The following PPIP5K1 variants were observed in gnomAD, a reference collection of about 807,000 sequenced individuals.
PPIP5K1 encodes diphosphoinositol pentakisphosphate kinase 1.
A neutral mutation model predicts 27.7 loss-of-function variants in PPIP5K1; 6 were observed. The observed-to-expected ratio is 0.22, with a 90% CI of 0.12 to 0.43. PPIP5K1 has a LOEUF of 0.43. Ranked by LOEUF, PPIP5K1 falls within the 20% of genes least tolerant of loss-of-function variation. The probability of loss-of-function intolerance (pLI) is 1.00; values close to 1 mark genes in which losing one functional copy is unlikely to be tolerated. For synonymous variants in PPIP5K1, 145 were observed against 242.6 expected (o/e 0.60, Z 3.74); for missense variants, 394 against 635.4 (o/e 0.62, Z 4.08).
At chr15:43,552,162 C>T (rs2082291651) in intron 30 of PPIP5K1, among the ~76,000 whole-genome samples, 1 of 151,978 alleles carries the variant, frequency 6.6e-6, no homozygotes, top group African/African-American at 2.4e-5. Context: ...ACTATATTGC[C>T]CAGACAGGTC....
intron 30 of PPIP5K1, among the ~76,000 whole-genome samples, chr15:43,556,672 G>C (rs1477029718): frequency 1.3e-5 from 2 of 152,156 alleles, no homozygotes; most frequent in African/African-American, 4.8e-5. Flanking sequence ...AACAAATGTA[G>C]GCACTTTGTG....
intron 30 of PPIP5K1, among the ~76,000 whole-genome samples, chr15:43,542,078 C>G (rs1187076197): frequency 6.6e-6 from 1 of 152,096 alleles, no homozygotes; most frequent in Non-Finnish European, 1.5e-5. Flanking sequence ...TAGGGGTGAT[C>G]CTTTGAGGAA....
At chr15:43,539,718 C>A in intron 30 of PPIP5K1, 135 bp from the exon 31 acceptor site, 1 of 592,842 alleles carries the variant, frequency 1.7e-6, no homozygotes, top group East Asian at 2.9e-5. Flanking sequence ...TCCTGGGGAC[C>A]CTTCAACCAA....
intron 30 of PPIP5K1, among the ~76,000 whole-genome samples, chr15:43,550,375 G>A (rs1397396641): frequency 1.3e-5 from 2 of 151,828 alleles, no homozygotes; most frequent in Non-Finnish European, 2.9e-5. Flanking sequence ...CAAACTCCAG[G>A]GCTCAAGTGA....
rs1373200986 is a variant in PPIP5K1 at position 43,539,581 on chromosome 15, G to C, written c.3559C>G (p.Leu1187Val). The C allele has an allele frequency of 6.4e-7, 1 of 1,571,168 alleles. No homozygotes were observed. Among genetic ancestry groups the C allele is most frequent in the African/African-American group, 1.4e-5 (1 of 73,976 alleles). ...TDAQAQASAA[L>V]FDSMHSSQAS... ...TGGCTGCTGTGCATGGAATCAAAGA[G>C]GGCTGGAAAGGAGGTAGGGTGAAGG... is the stretch of plus-strand genomic sequence containing the variant. Residue 1187 changes from leucine to valine, a missense_variant and splice_region_variant, in exon 31 of 32, where the codon CTC becomes GTC. This residue lies in a region of PPIP5K1 where 379 missense variants were observed against 423.9 expected (regional missense o/e 0.89). Transcript: ENST00000420765.
At chr15:43,548,159 C>T (rs540889303) in intron 30 of PPIP5K1, among the ~76,000 whole-genome samples, 4 of 151,454 alleles carry the variant, frequency 2.6e-5, no homozygotes, top group African/African-American at 4.8e-5. Context: ...AGTGCACTGG[C>T]GCGATCTTGG....
chr15:43,536,797 T>C (rs938940419), intron 31 of PPIP5K1, among the ~76,000 whole-genome samples: 2 of 152,208 alleles, frequency 1.3e-5, no homozygotes, highest in African/African-American at 4.8e-5. Context: ...TACTCCATCC[T>C]CTACTGCTTC....
At chr15:43,553,794 G>A (rs566495330) in intron 30 of PPIP5K1, among the ~76,000 whole-genome samples, 4 of 151,924 alleles carry the variant, frequency 2.6e-5, no homozygotes, top group East Asian at 1.9e-4. Context: ...ACAGGTGCCC[G>A]CCACCACGCC....
At chr15:43,556,875 C>T (rs1443131741) in intron 30 of PPIP5K1, among the ~76,000 whole-genome samples, 1 of 152,110 alleles carries the variant, frequency 6.6e-6, no homozygotes, top group Non-Finnish European at 1.5e-5. Flanking sequence ...AGCTTTTCTG[C>T]CATTTTTAGG....
intron 29 of PPIP5K1, among the ~76,000 whole-genome samples, chr15:43,559,133 T>A (rs181912561): frequency 6.6e-6 from 1 of 152,278 alleles, no homozygotes; most frequent in Non-Finnish European, 1.5e-5. Context: ...TCCTAAAACA[T>A]CTACCTGCTA....
intron 30 of PPIP5K1, among the ~76,000 whole-genome samples, chr15:43,555,270 T>C (rs1349413022): frequency 6.6e-6 from 1 of 152,142 alleles, no homozygotes; most frequent in East Asian, 1.9e-4. Flanking sequence ...GAGTTTTCTA[T>C]TTTTATTTAT....
intron 30 of PPIP5K1, 33 bp from the exon 31 acceptor site, chr15:43,539,616 G>C: frequency 1.3e-5 from 17 of 1,343,496 alleles, no homozygotes; most frequent in Non-Finnish European, 1.8e-5. Flanking sequence ...GGAGAGGGAA[G>C]AAAAAAAGAC....
chr15:43,549,652 T>TA (rs953175327), intron 30 of PPIP5K1, among the ~76,000 whole-genome samples: 23 of 149,184 alleles, frequency 1.5e-4, no homozygotes, highest in African/African-American at 2.5e-4. Context: ...CAACCTGTCT[T>TA]AAAAAAAAAA....
Position 43,558,869 on chromosome 15 carries a change from G to C in PPIP5K1, c.3482C>G (p.Ser1161Cys). The change falls in exon 30 of 32, where the codon TCC becomes TGC. Residue 1161 changes from serine to cysteine, a missense_variant. Physicochemically the swap from Ser to Cys is moderately radical, Grantham distance 112. Around this residue, in one of 4 missense-constraint regions of PPIP5K1, gnomAD observed 379 missense variants for 423.9 expected, o/e 0.89. Coordinates refer to ENST00000420765, the MANE Select transcript of PPIP5K1 (RefSeq NM_001394395.1). ...YPLETLHNAL[S>C]LRQVSEFLSR... ...CAAGAATTCACTCACTTGACGTAGG[G>C]AAAGGGCATTATGCAGTGTTTCCAG... 3 of 1,614,138 alleles carry C rather than the reference G, an allele frequency of 1.9e-6. No individual in the cohort carries two copies. Among genetic ancestry groups the C allele is most frequent in the Non-Finnish European group, 2.5e-6 (3 of 1,180,014 alleles).
At chr15:43,555,319 A>G (rs978198347) in intron 30 of PPIP5K1, among the ~76,000 whole-genome samples, 15 of 152,076 alleles carry the variant, frequency 9.9e-5, no homozygotes, top group Admixed American at 9.8e-4. Flanking sequence ...TCTATCACCC[A>G]GGCTGGAGTG....
rs865991038 is a variant in PPIP5K1 at position 43,579,419 on chromosome 15, C to T, written c.1062-299G>A. Reference sequence around the variant, plus strand: ...ACACACACACACACACACACACACACACACGTATGTGTACATACACACACG... The same window carrying T: ...ACACACACACACACACACACACACATACACGTATGTGTACATACACACACG... On this transcript the variant is annotated intron_variant, in intron 10 of 31. Coordinates refer to ENST00000420765, the MANE Select transcript of PPIP5K1 (RefSeq NM_001394395.1). Among the ~76,000 whole-genome samples, 857 of 115,884 alleles carry T rather than the reference C, an allele frequency of 7.4e-3. 190 individuals carry two copies. The highest frequency in any genetic ancestry group is 0.036 in the African/African-American group (613 of 17,048). 76.0% of individuals were successfully genotyped at this position (115,884 alleles called of 152,430 possible). A position where few individuals can be genotyped will look rare whatever the true frequency, so the allele number is the denominator to read the frequency against.
At chr15:43,551,859 T>A (rs911796665) in intron 30 of PPIP5K1, among the ~76,000 whole-genome samples, 3 of 152,092 alleles carry the variant, frequency 2.0e-5, no homozygotes, top group Non-Finnish European at 4.4e-5. Flanking sequence ...CATCTCGACC[T>A]CCCAAAGTGC....
At chr15:43,553,019 G>C (rs941366873) in intron 30 of PPIP5K1, among the ~76,000 whole-genome samples, 1 of 152,200 alleles carries the variant, frequency 6.6e-6, no homozygotes, top group African/African-American at 2.4e-5. Flanking sequence ...CTGGACGACA[G>C]AGTGAGAATC....
chr15:43,547,537 T>C (rs1268053209), intron 30 of PPIP5K1, among the ~76,000 whole-genome samples: 1 of 152,226 alleles, frequency 6.6e-6, no homozygotes, highest in Non-Finnish European at 1.5e-5. Flanking sequence ...TTTCATATGA[T>C]ATGAGGTAGG....
Sources: allele counts gnomAD v4.1 joint callset (sites outside exome capture counted in the v4.1 genomes callset), GRCh38; gene constraint gnomAD v4.1.1; regional missense constraint gnomAD v4.1.1; transcripts MANE v1.5; gene names NCBI Gene and HGNC (gene_info 2026-07-23, HGNC 2026-07-21).